The following GALNT16 variants were observed in gnomAD, a reference collection of about 807,000 sequenced individuals.
GALNT16 encodes the protein polypeptide N-acetylgalactosaminyltransferase 16, also known as UDP-GalNAc:polypeptide N-acetylgalactosaminyltransferase-like protein 1.
GALNT16 carries 40 observed loss-of-function variants against 76.1 expected under a neutral mutation model. The observed-to-expected ratio is 0.53, with a 90% CI of 0.41 to 0.68. GALNT16 has a LOEUF of 0.68. Ranked by LOEUF, GALNT16 falls within the 30% of genes least tolerant of loss-of-function variation. GALNT16 has a pLI of 0.00. For synonymous variants in GALNT16, 276 were observed against 285.2 expected (o/e 0.97, Z 0.32); for missense variants, 621 against 731.9 (o/e 0.85, Z 1.75).
rs187454763 is a variant in GALNT16 at position 69,340,416 on chromosome 14, G to A, written c.1187+797G>A. 3.3e-5 allele frequency among the ~76,000 whole-genome samples: 5 copies of A among 151,880 alleles called. No homozygotes were observed. The East Asian group carries it at 5.8e-4, about 18-fold the overall frequency. On this transcript the variant is annotated intron_variant, in intron 11 of 14. Coordinates refer to ENST00000448469, the MANE Select transcript of GALNT16 (RefSeq NM_001168368.2). ...ACCTAATACAATGCCTACACATCAC[G>A]TCATTTGCATGGATTCAATGTGGTA...
the GALNT16 span, among the ~76,000 whole-genome samples, chr14:69,364,352 T>C: frequency 6.6e-6 from 1 of 152,222 alleles, no homozygotes; most frequent in Non-Finnish European, 1.5e-5. The surrounding 1 kb of genome is among the most constrained non-coding windows in gnomAD (Gnocchi z 4.2). Context: ...AAATCAGTGC[T>C]TGATTAAACA....
At chr14:69,320,315 C>T (rs1295857268) in intron 1 of GALNT16, among the ~76,000 whole-genome samples, 2 of 152,044 alleles carry the variant, frequency 1.3e-5, no homozygotes, top group African/African-American at 4.8e-5. Flanking sequence ...GCCAACACCA[C>T]GAAACTCCAC....
Position 69,352,449 on chromosome 14 carries a change from T to G in GALNT16, c.*281T>G. 2.6e-6 allele frequency: 1 copy of G among 379,658 alleles called. No homozygotes were observed. Among genetic ancestry groups the G allele is most frequent in the Non-Finnish European group, 4.7e-6 (1 of 210,856 alleles). The allele number at this position is 379,658 out of a possible 1,614,324, so 23.5% of individuals were successfully genotyped here. On this transcript the variant is annotated 3_prime_UTR_variant, in exon 15 of 15. Transcript: ENST00000448469. ...GAGACTGAGTAGGTGCCCCTGGCCC[T>G]TTGTCCTCTCCCTTGGCGCTTCTTG...
intron 1 of GALNT16, among the ~76,000 whole-genome samples, chr14:69,320,267 G>A (rs2045158250): frequency 6.6e-6 from 1 of 152,230 alleles, no homozygotes; most frequent in African/African-American, 2.4e-5. Flanking sequence ...GGCTGAGGTG[G>A]GTGGATCACT....
chr14:69,329,597 A>G (rs977204818), intron 6 of GALNT16, among the ~76,000 whole-genome samples: 2 of 152,182 alleles, frequency 1.3e-5, no homozygotes, highest in Admixed American at 6.5e-5. Flanking sequence ...TTGCATTGCT[A>G]TAAGGAAATA....
At chr14:69,378,685 T>G in the GALNT16 span, among the ~76,000 whole-genome samples, 1 of 152,206 alleles carries the variant, frequency 6.6e-6, no homozygotes, top group Non-Finnish European at 1.5e-5. Flanking sequence ...ACCCAGATAC[T>G]TTCTCACATT....
rs2044720735 is a variant in GALNT16 at position 69,293,988 on chromosome 14, T to C, written c.178-26723T>C. ...TCACTGCAACCTCTGCCTCCCAGGT[T>C]CAAGCAATTTTCCTGCCTCAGCCTC... On this transcript the variant is annotated intron_variant, in intron 1 of 14. Transcript: ENST00000448469. 2.0e-5 allele frequency among the ~76,000 whole-genome samples: 3 copies of C among 152,206 alleles called. No individual in the cohort carries two copies. In the South Asian group the frequency reaches 6.2e-4, roughly 32 times the overall value.
At chr14:69,279,685 C>T (rs1019956595) in intron 1 of GALNT16, among the ~76,000 whole-genome samples, 8 of 152,264 alleles carry the variant, frequency 5.3e-5, no homozygotes, top group African/African-American at 1.9e-4. Flanking sequence ...TGGACAGCTT[C>T]ACTGAGGGCT....
intron 2 of GALNT16, among the ~76,000 whole-genome samples, chr14:69,324,033 A>G (rs547629148): frequency 3.3e-5 from 5 of 152,278 alleles, no homozygotes; most frequent in Non-Finnish European, 7.4e-5. Flanking sequence ...CCAGTAGGCC[A>G]GAAAATGTGG....
chr14:69,331,981 A>G (rs769500176), intron 7 of GALNT16, among the ~76,000 whole-genome samples: 6 of 152,220 alleles, frequency 3.9e-5, no homozygotes, highest in Non-Finnish European at 2.9e-5. Context: ...AGTGTTGTGT[A>G]TGGCAACTAT....
chr14:69,331,247 G>A (rs139617068), intron 6 of GALNT16, among the ~76,000 whole-genome samples: 261 of 152,304 alleles, frequency 1.7e-3, no homozygotes, highest in African/African-American at 6.0e-3. Context: ...GGCTTGGAGA[G>A]TACATGGGAG....
chr14:69,365,590 T>C, the GALNT16 span, among the ~76,000 whole-genome samples: 21,673 of 151,972 alleles, frequency 0.14, 1,636 homozygotes, highest in East Asian at 0.18. Context: ...CATGGACACA[T>C]TGGTGGGGAA....
intron 1 of GALNT16, among the ~76,000 whole-genome samples, chr14:69,312,064 T>C (rs1332941433): frequency 1.9e-5 from 2 of 103,944 alleles, no homozygotes; most frequent in Non-Finnish European, 4.4e-5. Context: ...AATCTGTCTA[T>C]CTATCTATCT....
intron 1 of GALNT16, among the ~76,000 whole-genome samples, chr14:69,309,284 CTTCCT>C (rs2044981196): frequency 6.6e-6 from 1 of 151,020 alleles, no homozygotes; most frequent in South Asian, 2.1e-4. Flanking sequence ...TTCTTTCTTT[CTTCCT>C]TTCTTTTCCT....
intron 1 of GALNT16, among the ~76,000 whole-genome samples, chr14:69,265,130 A>G (rs1309591760): frequency 3.3e-5 from 5 of 152,032 alleles, no homozygotes; most frequent in South Asian, 4.1e-4. Flanking sequence ...ATGTTCAGAT[A>G]TAAAGGGCCT....
At chr14:69,280,654 C>T (rs1348134839) in intron 1 of GALNT16, among the ~76,000 whole-genome samples, 1 of 152,100 alleles carries the variant, frequency 6.6e-6, no homozygotes, top group Non-Finnish European at 1.5e-5. Flanking sequence ...GATAAGGGAG[C>T]TGAGGCATCC....
At position 69,333,462 on chromosome 14, in the gene GALNT16, C is replaced by A; in HGVS notation, c.864-35C>A. The A allele has an allele frequency of 1.5e-6, 2 of 1,304,668 alleles. No individual in the cohort carries two copies. The highest frequency in any genetic ancestry group is 2.2e-6 in the Non-Finnish European group (2 of 898,478). The allele number at this position is 1,304,668 out of a possible 1,614,324, so 80.8% of individuals were successfully genotyped here. ...CTAAAGGGCCTCCTTGCTTCTCCAG[C>A]TCACGTGTTGCGTCTTCCCTCTCCT... is the stretch of plus-strand genomic sequence containing the variant. On this transcript the variant is annotated intron_variant, in intron 8 of 14. Coordinates refer to ENST00000448469, the MANE Select transcript of GALNT16 (RefSeq NM_001168368.2). The surrounding 1 kb of genome is among the most constrained non-coding windows in gnomAD (Gnocchi z 4.2).
chr14:69,329,975 A>G (rs1023078248), intron 6 of GALNT16, among the ~76,000 whole-genome samples: 6 of 152,270 alleles, frequency 3.9e-5, no homozygotes, highest in East Asian at 1.9e-4. Context: ...GAGCCTTCAT[A>G]TATTGCTGGC....
At chr14:69,337,894 G>C (rs1164325480) in intron 9 of GALNT16, among the ~76,000 whole-genome samples, 1 of 152,220 alleles carries the variant, frequency 6.6e-6, no homozygotes, top group Non-Finnish European at 1.5e-5. Flanking sequence ...AGTGGGAAGA[G>C]ACTATAGGGT....
Sources: allele counts gnomAD v4.1 joint callset (sites outside exome capture counted in the v4.1 genomes callset), GRCh38; gene constraint gnomAD v4.1.1; non-coding constraint Gnocchi (gnomAD v3.1); transcripts MANE v1.5; gene names NCBI Gene and HGNC (gene_info 2026-07-23, HGNC 2026-07-21).